Variants in SYNDIG1 observed in about 807,000 individuals in gnomAD.
The protein encoded by SYNDIG1 is synapse differentiation-inducing gene protein 1.
A neutral mutation model predicts 19.4 loss-of-function variants in SYNDIG1; 9 were observed. That is an observed-to-expected ratio of 0.46 (90% CI 0.28 to 0.81). The LOEUF is 0.81. SYNDIG1 is among the 30% of genes least tolerant of loss of function. SYNDIG1 has a pLI of 0.12. For synonymous variants in SYNDIG1, 141 were observed against 145.9 expected (o/e 0.97, Z 0.24); for missense variants, 311 against 343.3 (o/e 0.91, Z 0.74).
At chr20:24,563,579 C>A (rs1445597330) in intron 2 of SYNDIG1, among the ~76,000 whole-genome samples, 1 of 152,176 alleles carries the variant, frequency 6.6e-6, no homozygotes, top group African/African-American at 2.4e-5. Flanking sequence ...GGTTAAATTT[C>A]TTTCCTGTTA....
chr20:24,655,734 C>T (rs2059518080), intron 3 of SYNDIG1, among the ~76,000 whole-genome samples: 1 of 150,850 alleles, frequency 6.6e-6, no homozygotes, highest in Non-Finnish European at 1.5e-5. Flanking sequence ...CAATTCTACT[C>T]CTAGCTATAT....
chr20:24,482,763 T>C (rs913008041), intron 1 of SYNDIG1, among the ~76,000 whole-genome samples: 5 of 152,250 alleles, frequency 3.3e-5, no homozygotes, highest in African/African-American at 1.2e-4. Flanking sequence ...AGGGCTGTGC[T>C]GGGTATGTAT....
At chr20:24,491,022 G>T (rs1311214909) in intron 1 of SYNDIG1, among the ~76,000 whole-genome samples, 1 of 152,220 alleles carries the variant, frequency 6.6e-6, no homozygotes, top group Non-Finnish European at 1.5e-5. Flanking sequence ...TCGTGCGTCT[G>T]GTTGCTGTGG....
At chr20:24,557,653 C>T (rs1248154556) in intron 2 of SYNDIG1, among the ~76,000 whole-genome samples, 2 of 152,160 alleles carry the variant, frequency 1.3e-5, no homozygotes, top group Non-Finnish European at 2.9e-5. Context: ...GCTGTCTGAT[C>T]GTTCCTCTGG....
rs576531020 is a variant in SYNDIG1, at chr20:24,548,469, A to G, written c.480+4892A>G. On this transcript the variant is annotated intron_variant, in intron 2 of 3. Transcript: ENST00000376862. ...TTCTATAACTGCAATAGAGCACTTT[A>G]CATATACCTCAGTCATAAGTATGGA... 3.2e-3 allele frequency among the ~76,000 whole-genome samples: 480 copies of G among 152,364 alleles called. 2 individuals carry two copies. The highest frequency in any genetic ancestry group is 0.011 in the African/African-American group (465 of 41,584).
intron 1 of SYNDIG1, among the ~76,000 whole-genome samples, chr20:24,540,767 T>C (rs6132744): frequency 0.5 from 76,683 of 151,976 alleles, 20,674 homozygotes; most frequent in Middle Eastern, 0.67. Context: ...TCATGGTATA[T>C]GATTCCTTTA....
intron 3 of SYNDIG1, among the ~76,000 whole-genome samples, chr20:24,652,870 A>G (rs570752045): frequency 6.6e-6 from 1 of 152,212 alleles, no homozygotes; most frequent in South Asian, 2.1e-4. Context: ...ACTCTTCCAG[A>G]TGTCTGCAGT....
At chr20:24,514,577 A>G (rs1253157617) in intron 1 of SYNDIG1, among the ~76,000 whole-genome samples, 3 of 152,376 alleles carry the variant, frequency 2.0e-5, no homozygotes, top group South Asian at 2.1e-4. Context: ...AGAGCTAACT[A>G]TCTTAAATAT....
At chr20:24,521,421 C>G (rs1195189395) in intron 1 of SYNDIG1, among the ~76,000 whole-genome samples, 1 of 152,052 alleles carries the variant, frequency 6.6e-6, no homozygotes, top group Non-Finnish European at 1.5e-5. Context: ...AGTGAAATGG[C>G]TGCTGTATGG....
At chr20:24,556,510 A>G (rs1056717197) in intron 2 of SYNDIG1, among the ~76,000 whole-genome samples, 24 of 152,156 alleles carry the variant, frequency 1.6e-4, no homozygotes, top group Admixed American at 9.8e-4. Context: ...TGTGGTGACA[A>G]AATCTCTCAG....
intron 2 of SYNDIG1, among the ~76,000 whole-genome samples, chr20:24,546,561 A>G (rs2057581320): frequency 6.6e-6 from 1 of 152,196 alleles, no homozygotes; most frequent in Non-Finnish European, 1.5e-5. Flanking sequence ...ATCCTGTCCC[A>G]GGCTTCATTT....
chr20:24,605,263 C>T (rs2058738594), intron 3 of SYNDIG1, among the ~76,000 whole-genome samples: 1 of 152,188 alleles, frequency 6.6e-6, no homozygotes, highest in Admixed American at 6.5e-5. Flanking sequence ...ATGAGGGCTA[C>T]AAGAGCCCAG....
At chr20:24,540,752 C>G (rs189465132) in intron 1 of SYNDIG1, among the ~76,000 whole-genome samples, 90 of 152,310 alleles carry the variant, frequency 5.9e-4, no homozygotes, top group African/African-American at 2.0e-3. Flanking sequence ...ATAAATCTCA[C>G]TTGATCATGG....
chr20:24,621,496 C>G (rs1403901008), intron 3 of SYNDIG1, among the ~76,000 whole-genome samples: 1 of 152,180 alleles, frequency 6.6e-6, no homozygotes, highest in Non-Finnish European at 1.5e-5. Flanking sequence ...TTAAATAACT[C>G]TTTTGCCATT....
chr20:24,551,721 ATT>A (rs1248348934), intron 2 of SYNDIG1, among the ~76,000 whole-genome samples: 2 of 152,050 alleles, frequency 1.3e-5, no homozygotes, highest in African/African-American at 4.8e-5. Flanking sequence ...TTCTGTAGCC[ATT>A]GTGATTTTTT....
intron 1 of SYNDIG1, among the ~76,000 whole-genome samples, chr20:24,517,163 A>G (rs2056886384): frequency 6.6e-6 from 1 of 152,034 alleles, no homozygotes; most frequent in South Asian, 2.1e-4. Flanking sequence ...GGGTGGGGGA[A>G]GCAGGGAGGG....
rs556583791 is a variant in SYNDIG1, at chr20:24,513,522, T to C, written c.-78-29498T>C. 6.6e-5 allele frequency among the ~76,000 whole-genome samples: 10 copies of C among 152,218 alleles called. No individual in the cohort carries two copies. The South Asian group carries it at 2.1e-3, about 32-fold the overall frequency. On this transcript the variant is annotated intron_variant, in intron 1 of 3. Coordinates refer to ENST00000376862, the MANE Select transcript of SYNDIG1 (RefSeq NM_024893.3). The stretch of plus-strand genomic sequence containing the variant: ...ATTCGATCAACTGGAAGGAAGGGTA[T>C]CAGTGATTGAAGATCAAATGAATGA...
At chr20:24,554,103 GT>G (rs1185387368) in intron 2 of SYNDIG1, among the ~76,000 whole-genome samples, 1 of 151,372 alleles carries the variant, frequency 6.6e-6, no homozygotes, top group African/African-American at 2.4e-5. Context: ...TGATTTTGCT[GT>G]TTGTCTTTTA....
chr20:24,534,543 A>G (rs1010556302), intron 1 of SYNDIG1, among the ~76,000 whole-genome samples: 1 of 152,224 alleles, frequency 6.6e-6, no homozygotes, highest in Admixed American at 6.5e-5. Context: ...GGCCCTGGCT[A>G]ACTCCTCACC....
Sources: allele counts gnomAD v4.1 joint callset (sites outside exome capture counted in the v4.1 genomes callset), GRCh38; gene constraint gnomAD v4.1.1; transcripts MANE v1.5; gene names NCBI Gene and HGNC (gene_info 2026-07-23, HGNC 2026-07-21).